CNIH3: variants seen among roughly 807,000 people sequenced by gnomAD.
CNIH3 encodes protein cornichon homolog 3.
A neutral mutation model predicts 24.1 loss-of-function variants in CNIH3; 14 were observed. That is an observed-to-expected ratio of 0.58 (90% CI 0.38 to 0.91). The LOEUF is 0.91. Among genes scored for constraint, CNIH3 ranks in the 40% least tolerant of loss-of-function variants. The probability of loss-of-function intolerance (pLI) is 0.00; values close to 1 mark genes in which losing one functional copy is unlikely to be tolerated. For missense variants in CNIH3, 178 were observed against 196.8 expected (o/e 0.90, Z 0.57); for synonymous variants, 68 against 73.8 (o/e 0.92, Z 0.40).
At chr1:224,474,156 G>A (rs1676472940) in intron 1 of CNIH3, among the ~76,000 whole-genome samples, 2 of 152,026 alleles carry the variant, frequency 1.3e-5, no homozygotes, top group African/African-American at 4.8e-5. Context: ...TGTGAGGTCA[G>A]GAGTTCAAGA....
intron 2 of CNIH3, among the ~76,000 whole-genome samples, chr1:224,534,677 A>G (rs1002934592): frequency 6.6e-6 from 1 of 152,210 alleles, no homozygotes; most frequent in South Asian, 2.1e-4. Flanking sequence ...TAGCATGAAC[A>G]TGGAGTCCTT....
chr1:224,722,991 A>T (rs1243002065), intron 3 of CNIH3, among the ~76,000 whole-genome samples: 1 of 152,158 alleles, frequency 6.6e-6, no homozygotes, highest in African/African-American at 2.4e-5. Context: ...TCTGTAATTT[A>T]TGCAGGATGG....
At position 224,489,826 on chromosome 1, in the gene CNIH3, G is replaced by A. The variant is rs1427611303; in HGVS notation, n.204-25915G>A. Among the ~76,000 whole-genome samples the A allele has an allele frequency of 2.6e-5, 4 of 152,218 alleles. No homozygotes were observed. In the East Asian group the frequency reaches 7.7e-4, roughly 29 times the overall value. ...CAGCTTTGGTGTCTTGTGAGAGCCT[G>A]ATTTCTTGTAGATGGTGTCTTCTTG... On this transcript the variant is annotated intron_variant and non_coding_transcript_variant, in intron 1 of 5. Coordinates refer to the CNIH3 transcript ENST00000471578.
chr1:224,512,586 T>A (rs1448504140), upstream of CNIH3, among the ~76,000 whole-genome samples: 1 of 152,248 alleles, frequency 6.6e-6, no homozygotes, highest in Non-Finnish European at 1.5e-5. Context: ...ATTTAACAAT[T>A]TTTATTTGCA....
chr1:224,665,727 GA>G (rs1254292959), intron 1 of CNIH3, among the ~76,000 whole-genome samples: 3 of 152,180 alleles, frequency 2.0e-5, no homozygotes, highest in African/African-American at 7.2e-5. Flanking sequence ...CCTAAGTTAC[GA>G]CATGGAAGAT....
At chr1:224,673,838 C>T (rs953813947) in intron 1 of CNIH3, among the ~76,000 whole-genome samples, 1 of 151,852 alleles carries the variant, frequency 6.6e-6, no homozygotes, top group Admixed American at 6.6e-5. Context: ...AGTAACCCAA[C>T]ATTTTCTTTT....
intron 3 of CNIH3, among the ~76,000 whole-genome samples, chr1:224,707,079 T>G (rs1415872402): frequency 6.8e-6 from 1 of 147,600 alleles, no homozygotes; most frequent in Non-Finnish European, 1.5e-5. Context: ...TCCTCCCATC[T>G]CAGCCTCCTG....
intron 1 of CNIH3, chr1:224,434,968 C>G (rs1403106664): frequency 1.0e-6 from 1 of 985,538 alleles, no homozygotes; most frequent in Non-Finnish European, 1.2e-6. Context: ...CCGACCCCAT[C>G]CACGACCCCG....
intron 2 of CNIH3, among the ~76,000 whole-genome samples, chr1:224,530,849 C>T (rs532740123): frequency 1.1e-3 from 164 of 152,156 alleles, no homozygotes; most frequent in Non-Finnish European, 1.9e-3. Flanking sequence ...ACACCTGCCT[C>T]GGCCTCCCAA....
chr1:224,736,302 T>A (rs1421946839), intron 5 of CNIH3, among the ~76,000 whole-genome samples: 1 of 152,104 alleles, frequency 6.6e-6, no homozygotes, highest in Non-Finnish European at 1.5e-5. Context: ...TTTTTGTATT[T>A]TTCTGTAGAG....
intron 1 of CNIH3, among the ~76,000 whole-genome samples, chr1:224,668,293 T>C (rs1412223957): frequency 7.2e-5 from 11 of 152,188 alleles, no homozygotes; most frequent in African/African-American, 2.7e-4. Flanking sequence ...ACATATTCTG[T>C]CTTCAGTTTG....
chr1:224,706,484 G>A (rs1687817894), intron 3 of CNIH3, among the ~76,000 whole-genome samples: 1 of 152,166 alleles, frequency 6.6e-6, no homozygotes, highest in Non-Finnish European at 1.5e-5. Context: ...AGGAGTAACA[G>A]TGCGGAGATC....
At chr1:224,697,440 G>A (rs538276803) in intron 3 of CNIH3, among the ~76,000 whole-genome samples, 64 of 152,178 alleles carry the variant, frequency 4.2e-4, no homozygotes, top group African/African-American at 1.4e-3. Context: ...CACTCTCTCC[G>A]TTCTCCAGGG....
chr1:224,448,396 G>T (rs1345728684), intron 1 of CNIH3, among the ~76,000 whole-genome samples: 9 of 152,284 alleles, frequency 5.9e-5, no homozygotes, highest in South Asian at 4.2e-4. Flanking sequence ...GAAGAGGCTG[G>T]GGTTAAATTA....
At chr1:224,681,792 C>A (rs1686417612) in intron 2 of CNIH3, among the ~76,000 whole-genome samples, 1 of 152,150 alleles carries the variant, frequency 6.6e-6, no homozygotes, top group Non-Finnish European at 1.5e-5. Flanking sequence ...GTGGACAGAG[C>A]CTTTTCCAAA....
At chr1:224,527,868 A>C (rs768828416) in intron 2 of CNIH3, among the ~76,000 whole-genome samples, 1 of 152,222 alleles carries the variant, frequency 6.6e-6, no homozygotes, top group Non-Finnish European at 1.5e-5. Flanking sequence ...ATGTGTATGC[A>C]TATACATATA....
intron 1 of CNIH3, among the ~76,000 whole-genome samples, chr1:224,469,019 G>A (rs564257135): frequency 4.0e-5 from 6 of 151,784 alleles, no homozygotes; most frequent in African/African-American, 1.2e-4. Flanking sequence ...CACGTGAATG[G>A]GAACTGGATT....
intron 1 of CNIH3, among the ~76,000 whole-genome samples, chr1:224,630,709 A>C (rs1464034565): frequency 6.6e-6 from 1 of 152,098 alleles, no homozygotes; most frequent in Admixed American, 6.5e-5. Flanking sequence ...CATTTATTCA[A>C]CCATCATTTG....
chr1:224,705,102 C>T (rs1469430695), intron 3 of CNIH3, among the ~76,000 whole-genome samples: 4 of 151,998 alleles, frequency 2.6e-5, no homozygotes, highest in African/African-American at 9.7e-5. Context: ...TGGACAAGAG[C>T]GAGACTCCCT....
Sources: allele counts gnomAD v4.1 joint callset (sites outside exome capture counted in the v4.1 genomes callset), GRCh38; gene constraint gnomAD v4.1.1; transcripts MANE v1.5; gene names NCBI Gene and HGNC (gene_info 2026-07-23, HGNC 2026-07-21).